Variants in TANC2 observed in about 807,000 individuals in gnomAD.
TANC2 encodes tetratricopeptide repeat, ankyrin repeat and coiled-coil containing 2, also known as protein TANC2.
TANC2 carries 26 observed loss-of-function variants against 210.5 expected under a neutral mutation model. The ratio of observed to expected loss-of-function variants is 0.12; its 90% CI spans 0.09 to 0.17. The LOEUF is 0.17. Ranked by LOEUF, TANC2 falls within the 10% of genes least tolerant of loss-of-function variation. TANC2 has a pLI of 1.00. For missense variants in TANC2, 2,129 were observed against 2,608.9 expected (o/e 0.82, Z 4.01); for synonymous variants, 931 against 967.1 (o/e 0.96, Z 0.69).
Position 63,395,791 on chromosome 17 carries a change from C to G in TANC2, c.3100C>G (p.Leu1034Val). ...GCAGTGTGCTTTGGTTCATGCTGCACTCCGAGGTCATCTGGAGGTTGTCAA... is the reference window on the plus strand; with the variant it reads ...GCAGTGTGCTTTGGTTCATGCTGCAGTCCGAGGTCATCTGGAGGTTGTCAA... Residue 1034 changes from leucine (L) to valine (V), a missense_variant, in exon 18 of 28, where the codon CTC (leucine) becomes GTC (valine). Coordinates refer to ENST00000689528, the Ensembl canonical transcript of TANC2. 6.2e-7 allele frequency: 1 copy of G among 1,613,608 alleles called. No individual in the cohort carries two copies. The highest frequency in any genetic ancestry group is 8.5e-7 in the Non-Finnish European group (1 of 1,179,742).
intron 6 of TANC2, chr17:63,197,834 A>G (rs1457908778): frequency 2.0e-5 from 3 of 152,180 alleles, no homozygotes; most frequent in Non-Finnish European, 4.4e-5. Context: ...ATTTTAGCCT[A>G]CAGCATGAAG....
At chr17:62,994,501 C>A (rs1031330093) in intron 1 of TANC2, among the ~76,000 whole-genome samples, 1 of 152,118 alleles carries the variant, frequency 6.6e-6, no homozygotes, top group African/African-American at 2.4e-5. Flanking sequence ...TTTATAGATG[C>A]CATTTATCAG....
intron 2 of TANC2, among the ~76,000 whole-genome samples, chr17:63,058,055 G>A (rs1312118626): frequency 2.0e-5 from 3 of 152,176 alleles, no homozygotes; most frequent in Non-Finnish European, 4.4e-5. Flanking sequence ...CACCAACAGT[G>A]TATAAGCATT....
chr17:63,152,528 A>G lies in TANC2; in HGVS notation c.433+1148A>G, dbSNP rs546854412. ...AACCATTCTTTTCTAAATCAATCAC[A>G]GTTTTGTATTAGGAACCAGCTTTTC... On this transcript the variant is annotated intron_variant, in intron 5 of 27. Transcript: ENST00000689528. The G allele has an allele frequency of 2.6e-5, 4 of 152,244 alleles. No homozygotes were observed. In the South Asian group the frequency reaches 8.3e-4, roughly 32 times the overall value. 9.4% of individuals were successfully genotyped at this position (152,244 alleles called of 1,614,324 possible). A position where few individuals can be genotyped will look rare whatever the true frequency, so the allele number is the denominator to read the frequency against.
chr17:62,978,793 G>A (rs1470036933), intron 1 of TANC2: 3 of 152,098 alleles, frequency 2.0e-5, no homozygotes, highest in African/African-American at 7.2e-5. Context: ...CCATTTCTGT[G>A]CCATTTTCAG....
At chr17:63,348,304 C>T (rs535676865) in intron 12 of TANC2, among the ~76,000 whole-genome samples, 2 of 152,094 alleles carry the variant, frequency 1.3e-5, no homozygotes, top group African/African-American at 4.8e-5. Context: ...TAGAGTCTTA[C>T]AATGGAACTA....
At chr17:63,190,307 T>G (rs1366796596) in intron 5 of TANC2, among the ~76,000 whole-genome samples, 1 of 151,784 alleles carries the variant, frequency 6.6e-6, no homozygotes, top group East Asian at 1.9e-4. Flanking sequence ...ACCACTGCAT[T>G]CCAGCCTGGG....
intron 19 of TANC2, chr17:63,399,233 T>C: frequency 5.7e-6 from 1 of 174,286 alleles, no homozygotes; most frequent in Non-Finnish European, 1.2e-5. Context: ...GTGGCCTGTC[T>C]CCTTTTTATG....
At chr17:63,177,264 C>CAAAA (rs755034454) in intron 5 of TANC2, among the ~76,000 whole-genome samples, 1,178 of 73,200 alleles carry the variant, frequency 0.016, 37 homozygotes, top group African/African-American at 0.059. Context: ...GACTCTGTCT[C>CAAAA]AAAAAAAAAA....
chr17:63,191,225 A>G (rs1370251082), intron 5 of TANC2, among the ~76,000 whole-genome samples: 1 of 151,892 alleles, frequency 6.6e-6, no homozygotes, highest in Non-Finnish European at 1.5e-5. Context: ...CATATTTTAA[A>G]TGAAATGGTT....
chr17:63,066,099 G>A (rs995699428), intron 2 of TANC2, among the ~76,000 whole-genome samples: 2 of 152,044 alleles, frequency 1.3e-5, no homozygotes, highest in African/African-American at 4.8e-5. Context: ...GGGTCTATTG[G>A]GATGGGCCTG....
intron 10 of TANC2, among the ~76,000 whole-genome samples, chr17:63,317,318 C>T (rs375577813): frequency 6.7e-6 from 1 of 149,430 alleles, no homozygotes; most frequent in Non-Finnish European, 1.5e-5. Flanking sequence ...GCCCGCCCCC[C>T]TCCTTGTCAT....
chr17:63,107,809 A>G (rs566403302), intron 4 of TANC2, among the ~76,000 whole-genome samples: 3 of 151,752 alleles, frequency 2.0e-5, no homozygotes, highest in African/African-American at 7.3e-5. Context: ...ACCTAAGGGA[A>G]AGGGGTCACC....
intron 8 of TANC2, among the ~76,000 whole-genome samples, chr17:63,243,063 A>AG (rs765440935): frequency 2.0e-4 from 31 of 152,280 alleles, no homozygotes; most frequent in Non-Finnish European, 4.1e-4. Flanking sequence ...TGAGTAAAAA[A>AG]CTGTCTTTGA....
chr17:63,405,500 C>T (rs1236816193), intron 20 of TANC2, among the ~76,000 whole-genome samples: 1 of 152,194 alleles, frequency 6.6e-6, no homozygotes, highest in African/African-American at 2.4e-5. Flanking sequence ...ATAGAGTGAC[C>T]TCCTTCTCAC....
intron 11 of TANC2, among the ~76,000 whole-genome samples, chr17:63,339,654 A>G (rs895160540): frequency 2.6e-5 from 4 of 152,244 alleles, no homozygotes; most frequent in Admixed American, 6.5e-5. Flanking sequence ...AAAAATTGAT[A>G]GAAGTATATG....
intron 14 of TANC2, among the ~76,000 whole-genome samples, chr17:63,366,068 A>G (rs771244125): frequency 1.3e-5 from 2 of 151,852 alleles, no homozygotes; most frequent in African/African-American, 2.4e-5. Context: ...TTTTTTTTTG[A>G]TGACGAACTA....
chr17:63,120,836 A>AC (rs2038443241), intron 4 of TANC2: 1 of 151,194 alleles, frequency 6.6e-6, no homozygotes, highest in Non-Finnish European at 1.5e-5. Flanking sequence ...AAAAAAAAAA[A>AC]AAAAACTATT....
chr17:63,026,880 T>A (rs2034575744), intron 2 of TANC2, among the ~76,000 whole-genome samples: 1 of 152,164 alleles, frequency 6.6e-6, no homozygotes, highest in Admixed American at 6.5e-5. Context: ...AAAGATTTAT[T>A]CCCTGATCAT....
Sources: allele counts gnomAD v4.1 joint callset (sites outside exome capture counted in the v4.1 genomes callset), GRCh38; gene constraint gnomAD v4.1.1; transcripts MANE v1.5; gene names NCBI Gene and HGNC (gene_info 2026-07-23, HGNC 2026-07-21).